Variants in PKN3 observed in about 807,000 individuals in gnomAD.
The protein encoded by PKN3 is serine/threonine-protein kinase N3.
In PKN3, 91 loss-of-function variants were observed where a neutral mutation model predicts 113.1. That is an observed-to-expected ratio of 0.80 (90% confidence interval 0.68 to 0.96). PKN3 has a LOEUF of 0.96. Among genes scored for constraint, PKN3 ranks in the 40% least tolerant of loss-of-function variants. The pLI is 0.00. For missense variants in PKN3, 1,052 were observed against 1,202.2 expected, an observed-to-expected ratio of 0.88 and a Z score of 1.85; for synonymous variants, 467 against 499.0, an observed-to-expected ratio of 0.94 and a Z score of 0.85.
chr9:128,715,393 A>G lies in PKN3; in HGVS notation c.1741A>G (p.Thr581Ala), dbSNP rs779283647. ...GGTCCTCCTGGTCCAGTTCAAGGGG[A>G]CAGGGAAATACTACGCCATCAAAGC... ...GKVLLVQFKGTGKYYAIKALK... is the reference protein window; with the variant it reads ...GKVLLVQFKGAGKYYAIKALK... The change falls in exon 15 of 22, where the codon ACA (threonine) becomes GCA (alanine). Residue 581 changes from threonine to alanine, a missense_variant. Around this residue, in one of 2 missense-constraint regions of PKN3, gnomAD observed 333 missense variants for 442.8 expected, o/e 0.75. Coordinates refer to ENST00000291906, the MANE Select transcript of PKN3 (RefSeq NM_013355.5). The surrounding 1 kb of genome is among the most constrained non-coding windows in gnomAD (Gnocchi z 4.1). 7 of 1,613,838 alleles carry G rather than the reference A, an allele frequency of 4.3e-6. No individual in the cohort carries two copies. In the African/African-American group the frequency reaches 8.0e-5, roughly 18 times the overall value.
At chr9:128,719,600 G>A in intron 18 of PKN3, 86 bp from the exon 19 acceptor site, 1 of 1,382,350 alleles carries the variant, frequency 7.2e-7, no homozygotes, top group Non-Finnish European at 9.9e-7. Flanking sequence ...CACAGGCTCA[G>A]CTCCCTGGCA....
intron 1 of PKN3, 109 bp from the exon 2 acceptor site, chr9:128,705,194 T>C (rs1362027237): frequency 5.7e-6 from 8 of 1,392,618 alleles, no homozygotes; most frequent in Non-Finnish European, 7.8e-6. Flanking sequence ...TGCGAGTCAG[T>C]CCTGGGTGCC....
intron 16 of PKN3, among the ~76,000 whole-genome samples, chr9:128,717,905 C>T (rs1232408031): frequency 2.0e-5 from 3 of 147,572 alleles, no homozygotes; most frequent in Admixed American, 1.4e-4. Context: ...CGTGGTGGCG[C>T]GTGCCTGTAG....
At position 128,716,754 on chromosome 9, in the gene PKN3, T is replaced by G; in HGVS notation, c.1816T>G (p.Cys606Gly). The G allele has an allele frequency of 6.2e-7, 1 of 1,613,818 alleles. No individual in the cohort carries two copies. The highest frequency in any genetic ancestry group is 8.5e-7 in the Non-Finnish European group (1 of 1,179,774). Residue 606 changes from cysteine (C) to glycine (G), a missense_variant, in exon 16 of 22, where the codon TGC (cysteine) becomes GGC (glycine). Transcript: ENST00000291906. The stretch of plus-strand genomic sequence containing the variant: ...TCTTGCTCTCTCCTGTAGCCTGTAC[T>G]GCGAGAAGCGGATCCTGGAGGCTGT... ...LSRDEIESLY[C>G]EKRILEAVGC...
At position 128,720,385 on chromosome 9, in the gene PKN3, T is replaced by C. The variant is rs1240889977; in HGVS notation, c.2458-9T>C. ...CCTGCCGTCTCAGGCGCCTCTCCTT[T>C]GCCCTCAGACCACCAACTGGCAAGC... On this transcript the variant is annotated splice_polypyrimidine_tract_variant and intron_variant, in intron 21 of 21. Transcript: ENST00000291906. The surrounding 1 kb of genome is among the most constrained non-coding windows in gnomAD (Gnocchi z 5.5). The C allele has an allele frequency of 6.2e-7, 1 of 1,613,010 alleles. No individual in the cohort carries two copies. Among genetic ancestry groups the C allele is most frequent in the Admixed American group, 1.7e-5 (1 of 60,004 alleles).
In PKN3 at chr9:128,713,263, G is replaced by A; in HGVS notation, c.983-15G>A. 6.2e-7 allele frequency: 1 copy of A among 1,613,520 alleles called. No homozygotes were observed. The highest frequency in any genetic ancestry group is 1.1e-5 in the South Asian group (1 of 90,960). ...TGCTTCAGGCCTGCCCTGAGTCCCG[G>A]CTCTGGCCCTGCAGGCGAGGTGCTG... On this transcript the variant is annotated splice_polypyrimidine_tract_variant and intron_variant, in intron 7 of 21. Coordinates refer to ENST00000291906, the MANE Select transcript of PKN3 (RefSeq NM_013355.5).
Position 128,713,631 on chromosome 9 carries a change from C to T in PKN3, c.1225C>T (p.Leu409Phe). The stretch of plus-strand genomic sequence containing the variant: ...CCTCAGCCTGGTACCGCAGGGACTG[C>T]TTTTTGCCCAGGTGCTCACCACCTC... ...LSLSLVPQGL[L>F]FAQVTFCDPV... The change falls in exon 9 of 22, where the codon CTT (leucine) becomes TTT (phenylalanine). Residue 409 changes from leucine (L) to phenylalanine (F), a missense_variant. Leu to Phe is a conservative substitution (Grantham distance 22). Transcript: ENST00000291906. 6.2e-7 allele frequency: 1 copy of T among 1,613,634 alleles called. No individual in the cohort carries two copies. Among genetic ancestry groups the T allele is most frequent in the Non-Finnish European group, 8.5e-7 (1 of 1,179,950 alleles).
At chr9:128,718,419 G>A (rs1247224008) in intron 17 of PKN3, 32 bp downstream of exon 17, 2 of 1,560,232 alleles carry the variant, frequency 1.3e-6, no homozygotes, top group Middle Eastern at 2.1e-4. Flanking sequence ...CACGGGGGTA[G>A]GGGTGGGGGT....
At chr9:128,712,440 T>G (rs574190252) in intron 6 of PKN3, among the ~76,000 whole-genome samples, 30 of 152,248 alleles carry the variant, frequency 2.0e-4, no homozygotes, top group African/African-American at 7.0e-4. Context: ...TCATATCCAT[T>G]GGGAGAGGTG....
rs1862482953 is a variant in PKN3, at chr9:128,720,035, T to C, written c.2376+18T>C. ...TTCAGAAGGTAAGCACTGCGGGGTC[T>C]GGGGCTGGGCTGGATGGCCGCTCAA... On this transcript the variant is annotated intron_variant, in intron 20 of 21. Coordinates refer to ENST00000291906, the MANE Select transcript of PKN3 (RefSeq NM_013355.5). This position sits in a 1 kb window ranked among gnomAD's most constrained non-coding sequence, Gnocchi z 5.5. 6.2e-7 allele frequency: 1 copy of C among 1,604,852 alleles called. No homozygotes were observed. Among genetic ancestry groups the C allele is most frequent in the Non-Finnish European group, 8.5e-7 (1 of 1,171,902 alleles).
chr9:128,710,391 A>G (rs1337724264), intron 6 of PKN3, among the ~76,000 whole-genome samples: 1 of 151,984 alleles, frequency 6.6e-6, no homozygotes, highest in African/African-American at 2.4e-5. Context: ...GCACTGCTAC[A>G]GGGCCGACTG....
chr9:128,709,542 G>A (rs1233039275), intron 6 of PKN3, among the ~76,000 whole-genome samples: 6 of 151,766 alleles, frequency 4.0e-5, no homozygotes, highest in South Asian at 2.1e-4. Flanking sequence ...ACCTGAGGTC[G>A]GGAGTTCGAG....
chr9:128,709,070 G>A (rs980448958), intron 6 of PKN3, among the ~76,000 whole-genome samples: 9 of 151,954 alleles, frequency 5.9e-5, no homozygotes, highest in Non-Finnish European at 8.8e-5. Context: ...CGGATCACGA[G>A]GTCAGGAGAT....
chr9:128,705,093 G>T (rs772930240), intron 1 of PKN3, among the ~76,000 whole-genome samples: 3 of 152,180 alleles, frequency 2.0e-5, no homozygotes, highest in Non-Finnish European at 4.4e-5. Flanking sequence ...CTAACGGGCG[G>T]AGGACAGGAG....
At chr9:128,716,375 A>G (rs921545687) in intron 15 of PKN3, among the ~76,000 whole-genome samples, 3 of 150,904 alleles carry the variant, frequency 2.0e-5, no homozygotes, top group Non-Finnish European at 4.4e-5. Flanking sequence ...AAGCAGGTGG[A>G]TAACTTGAGG....
chr9:128,711,065 G>A (rs910823386), intron 6 of PKN3, among the ~76,000 whole-genome samples: 2 of 151,620 alleles, frequency 1.3e-5, no homozygotes, highest in African/African-American at 4.9e-5. Context: ...GAGTGCAGTG[G>A]CGCAATCTTG....
chr9:128,703,434 G>T, intron 1 of PKN3: 1 of 985,320 alleles, frequency 1.0e-6, no homozygotes, highest in Non-Finnish European at 1.2e-6. Flanking sequence ...GATGAGAGGG[G>T]AGCGGCCTCC....
At position 128,715,182 on chromosome 9, in the gene PKN3, C is replaced by G. The variant is rs368910557; in HGVS notation, c.1663C>G (p.Arg555Gly). The G allele has an allele frequency of 6.2e-7, 1 of 1,614,066 alleles. No individual in the cohort carries two copies. The highest frequency in any genetic ancestry group is 1.7e-5 in the Admixed American group (1 of 60,014). The stretch of plus-strand genomic sequence containing the variant: ...TCTCTTCCTTTGCAGGAAACCCCCT[C>G]GGCTTCAGGACTTCCGCTGCTTAGC... Reference protein sequence around the residue: ...PPASPTRKPPRLQDFRCLAVL... With the variant: ...PPASPTRKPPGLQDFRCLAVL... Residue 555 changes from arginine (R) to glycine (G), a missense_variant, in exon 14 of 22, where the codon CGG becomes GGG. Arg to Gly is a moderately radical substitution (Grantham distance 125). Transcript: ENST00000291906. The surrounding 1 kb of genome is among the most constrained non-coding windows in gnomAD (Gnocchi z 4.1).
rs1410654735 is a variant in PKN3, at chr9:128,709,241, G to A, written c.835+1836G>A. Reference sequence around the variant, plus strand: ...GCGGAGCCTACAGTGAGCCGAGATCGCACCACTGCACTCCAGCCTGGGCCA... The same window carrying A: ...GCGGAGCCTACAGTGAGCCGAGATCACACCACTGCACTCCAGCCTGGGCCA... On this transcript the variant is annotated intron_variant, in intron 6 of 21. Transcript: ENST00000291906. Among the ~76,000 whole-genome samples, 6 of 149,922 alleles carry A rather than the reference G, an allele frequency of 4.0e-5. No individual in the cohort carries two copies. The Admixed American group carries it at 4.0e-4, about 10-fold the overall frequency.
Sources: gnomAD v4.1 joint callset for allele counts (sites outside exome capture counted in the v4.1 genomes callset) on GRCh38, gnomAD v4.1.1 for gene constraint, gnomAD v4.1.1 regional missense constraint, Gnocchi (gnomAD v3.1) non-coding constraint, MANE v1.5 for transcripts, NCBI Gene and HGNC (gene_info 2026-07-23, HGNC 2026-07-21) for gene names.